Variants in PSMA4 observed in about 807,000 individuals in gnomAD.
The protein encoded by PSMA4 is proteasome 20S subunit alpha 4, also known as proteasome subunit alpha type-4.
PSMA4 carries 8 observed loss-of-function variants against 37.2 expected under a neutral mutation model. That is an observed-to-expected ratio of 0.22 (90% CI 0.13 to 0.39). PSMA4 has a LOEUF of 0.39. PSMA4 is among the 10% of genes least tolerant of loss of function. The pLI, the probability that PSMA4 is intolerant of heterozygous loss-of-function variation, is 1.00. For synonymous variants in PSMA4, 93 were observed against 98.8 expected (o/e 0.94, Z 0.35); for missense variants, 169 against 305.1 (o/e 0.55, Z 3.32).
rs1420417805 is a variant in PSMA4, at chr15:78,551,198, T to A, written c.*2254T>A. 1 of 152,254 alleles carries A rather than the reference T, an allele frequency of 6.6e-6. No individual in the cohort carries two copies. Among genetic ancestry groups the A allele is most frequent in the Non-Finnish European group, 1.5e-5 (1 of 68,108 alleles). 9.4% of individuals were successfully genotyped at this position (152,254 alleles called of 1,614,324 possible). ...GATCCTTTCAAAATGTAAACGGTAC[T>A]ACTGCACAGTTTTGGCTCAAAACCC... On this transcript the variant is annotated 3_prime_UTR_variant, in exon 9 of 9. Coordinates refer to ENST00000044462, the MANE Select transcript of PSMA4 (RefSeq NM_002789.6).
In PSMA4 at chr15:78,546,227, C is replaced by T. The variant is rs184277842; in HGVS notation, c.508-348C>T. Among the ~76,000 whole-genome samples, 304 of 152,194 alleles carry T rather than the reference C, an allele frequency of 2.0e-3. 3 individuals are homozygous for T. The highest frequency in any genetic ancestry group is 7.2e-3 in the African/African-American group (300 of 41,502). ...GGGAGGCCGAGGCAGGCAAATTGCT[C>T]GAGCTCAGGAGTTCGAGACCAGCCT... On this transcript the variant is annotated intron_variant, in intron 7 of 8. Transcript: ENST00000044462.
intron 4 of PSMA4, 153 bp downstream of exon 4, chr15:78,542,798 T>G: frequency 1.5e-6 from 1 of 673,960 alleles, no homozygotes; most frequent in South Asian, 2.0e-5. Context: ...TGGTACCATG[T>G]GTTACTCCTT....
chr15:78,552,298 T>C lies in PSMA4; in HGVS notation c.*3354T>C, dbSNP rs2052652751. On this transcript the variant is annotated 3_prime_UTR_variant, in exon 9 of 9. Transcript: ENST00000044462. ...TCAGAAGCACGTTGATATAAATAAGTAGAAAACCAAAGACAGCTAAGTTTT... is the reference window on the plus strand; with the variant it reads ...TCAGAAGCACGTTGATATAAATAAGCAGAAAACCAAAGACAGCTAAGTTTT... The C allele has an allele frequency of 6.6e-6, 1 of 152,190 alleles. No homozygotes were observed. Among genetic ancestry groups the C allele is most frequent in the Admixed American group, 6.5e-5 (1 of 15,276 alleles). The allele number at this position is 152,190 out of a possible 1,614,324, so 9.4% of individuals were successfully genotyped here.
chr15:78,546,228 G>A (rs909768590), intron 7 of PSMA4, among the ~76,000 whole-genome samples: 3 of 152,080 alleles, frequency 2.0e-5, no homozygotes, highest in Non-Finnish European at 2.9e-5. Context: ...CAAATTGCTC[G>A]AGCTCAGGAG....
At chr15:78,545,519 T>G in intron 6 of PSMA4, 115 bp from the exon 7 acceptor site, 1 of 1,228,850 alleles carries the variant, frequency 8.1e-7, no homozygotes, top group Non-Finnish European at 1.2e-6. Context: ...TACAAAACAG[T>G]TTATGAATGC....
chr15:78,543,572 T>TCG (rs201677370), intron 4 of PSMA4, among the ~76,000 whole-genome samples: 1 of 146,544 alleles, frequency 6.8e-6, no homozygotes, highest in Admixed American at 6.9e-5. Flanking sequence ...AAATCTTTTT[T>TCG]TTTTTTTTTT....
chr15:78,545,911 A>G lies in PSMA4; in HGVS notation c.507+147A>G, dbSNP rs2052543999. The G allele has an allele frequency of 4.5e-6, 4 of 891,706 alleles. No homozygotes were observed. The South Asian group carries it at 6.7e-5, about 15-fold the overall frequency. The allele number at this position is 891,706 out of a possible 1,614,324, so 55.2% of individuals were successfully genotyped here. ...AATATCTGTGATTTCTGTTGGTGAC[A>G]GCATTGCTGATATAGCTAATATACT... On this transcript the variant is annotated intron_variant, in intron 7 of 8. Transcript: ENST00000044462.
intron 4 of PSMA4, among the ~76,000 whole-genome samples, chr15:78,543,201 G>A (rs2052486032): frequency 6.6e-6 from 1 of 152,288 alleles, no homozygotes; most frequent in African/African-American, 2.4e-5. Flanking sequence ...TGCAGCTCAT[G>A]GAGAGCTGAC....
rs2052619870 is a variant in PSMA4 at position 78,549,878 on chromosome 15, T to TTA, written c.*934_*935insTA. ...CAGATATTAACATTGCTTAAACTCT[T>TTA]CAGGTGATTTCCATCAGCTAGGGTG... On this transcript the variant is annotated 3_prime_UTR_variant, in exon 9 of 9. Coordinates refer to ENST00000044462, the MANE Select transcript of PSMA4 (RefSeq NM_002789.6). 1 of 152,434 alleles carries TTA rather than the reference T, an allele frequency of 6.6e-6. No homozygotes were observed. Among genetic ancestry groups the TTA allele is most frequent in the Non-Finnish European group, 1.5e-5 (1 of 68,186 alleles). The allele number at this position is 152,434 out of a possible 1,614,324, so 9.4% of individuals were successfully genotyped here.
rs1163891201 is a variant in PSMA4, at chr15:78,550,545, C to G, written c.*1601C>G. 1 of 152,052 alleles carries G rather than the reference C, an allele frequency of 6.6e-6. No individual in the cohort carries two copies. The highest frequency in any genetic ancestry group is 2.4e-5 in the African/African-American group (1 of 41,348). 9.4% of individuals were successfully genotyped at this position (152,052 alleles called of 1,614,324 possible). A position where few individuals can be genotyped will look rare whatever the true frequency, so the allele number is the denominator to read the frequency against. ...GAAGGTCTCACCATGTTTCCCATGC[C>G]GGTCTCAAGCTCCTGGACTCAAGCG... On this transcript the variant is annotated 3_prime_UTR_variant, in exon 9 of 9. Coordinates refer to ENST00000044462, the MANE Select transcript of PSMA4 (RefSeq NM_002789.6).
intron 1 of PSMA4, 118 bp from the exon 2 acceptor site, chr15:78,541,787 G>C (rs532706763): frequency 2.4e-6 from 2 of 847,600 alleles, no homozygotes; most frequent in East Asian, 5.3e-5. Flanking sequence ...CCAGCATCTA[G>C]CATAATGCCT....
chr15:78,544,350 C>T, intron 5 of PSMA4, 83 bp downstream of exon 5: 2 of 1,016,718 alleles, frequency 2.0e-6, no homozygotes, highest in Non-Finnish European at 2.9e-6. Flanking sequence ...GAGTCTCACT[C>T]TGTCACCCAG....
intron 7 of PSMA4, among the ~76,000 whole-genome samples, chr15:78,546,061 C>A (rs556573583): frequency 1.3e-5 from 2 of 152,198 alleles, no homozygotes; most frequent in Admixed American, 1.3e-4. Context: ...CCTTGGGAGA[C>A]TGAGGACCCC....
intron 1 of PSMA4, chr15:78,541,382 T>G (rs2052449397): frequency 6.3e-6 from 1 of 158,790 alleles, no homozygotes; most frequent in African/African-American, 2.4e-5. Flanking sequence ...GCCTCTTGCC[T>G]TGGCTTTCAA....
chr15:78,541,738 C>G lies in PSMA4; in HGVS notation c.-23-167C>G, dbSNP rs2052457075. 1.8e-5 allele frequency: 11 copies of G among 618,984 alleles called. No individual in the cohort carries two copies. The South Asian group carries it at 1.8e-4, about 10-fold the overall frequency. The allele number at this position is 618,984 out of a possible 1,614,324, so 38.3% of individuals were successfully genotyped here. The stretch of plus-strand genomic sequence containing the variant: ...TCTCTCACCTAACTGCCAGTATTAG[C>G]TTTTCAGGACAGGAACTGGTTTTAC... On this transcript the variant is annotated intron_variant, in intron 1 of 8. Transcript: ENST00000044462.
chr15:78,543,550 G>T (rs1339645512), intron 4 of PSMA4, among the ~76,000 whole-genome samples: 1 of 147,576 alleles, frequency 6.8e-6, no homozygotes, highest in East Asian at 2.0e-4. Flanking sequence ...CTCAAGAGCA[G>T]TCTGTCTAGC....
At chr15:78,548,395 A>C (rs2052593581) in intron 8 of PSMA4, among the ~76,000 whole-genome samples, 1 of 152,090 alleles carries the variant, frequency 6.6e-6, no homozygotes, top group Non-Finnish European at 1.5e-5. Flanking sequence ...CCTTTTATTT[A>C]TTTATTTTTT....
At chr15:78,543,566 C>CTTTTTT (rs11414100) in intron 4 of PSMA4, among the ~76,000 whole-genome samples, 12 of 109,792 alleles carry the variant, frequency 1.1e-4, no homozygotes, top group Non-Finnish European at 1.4e-4. Flanking sequence ...CTAGCAAAAT[C>CTTTTTT]TTTTTTTTTT....
At chr15:78,545,136 AT>A (rs1358321721) in intron 6 of PSMA4, among the ~76,000 whole-genome samples, 179 bp downstream of exon 6, 1 of 152,234 alleles carries the variant, frequency 6.6e-6, no homozygotes, top group Non-Finnish European at 1.5e-5. Context: ...TTCAGTGCAC[AT>A]AATGATCAGA....
Sources: allele counts gnomAD v4.1 joint callset (sites outside exome capture counted in the v4.1 genomes callset), GRCh38; gene constraint gnomAD v4.1.1; transcripts MANE v1.5; gene names NCBI Gene and HGNC (gene_info 2026-07-23, HGNC 2026-07-21).